Variants in PPP1R16A observed in about 807,000 individuals in gnomAD.
PPP1R16A encodes myosin phosphatase-targeting subunit 3.
In PPP1R16A, 39 loss-of-function variants were observed where a neutral mutation model predicts 46.6. The observed-to-expected ratio is 0.84, with a 90% confidence interval of 0.65 to 1.09. The LOEUF is 1.09. PPP1R16A is among the 50% of genes least tolerant of loss of function. PPP1R16A has a pLI of 0.00. For missense variants in PPP1R16A, 798 were observed against 735.6 expected, an observed-to-expected ratio of 1.08 and a Z score of -0.98; for synonymous variants, 413 against 321.5, an observed-to-expected ratio of 1.28 and a Z score of -3.04.
rs761331940 is a variant in PPP1R16A at position 144,501,264 on chromosome 8, A to G, written c.1173A>G (p.Thr391=). Residue 391 remains threonine, a synonymous_variant, in exon 11 of 12, where the codon ACA becomes ACG. Coordinates refer to ENST00000435887, the MANE Select transcript of PPP1R16A (RefSeq NM_001329443.2). The stretch of plus-strand genomic sequence containing the variant: ...CCGAGGACAACGATGACCGCCAGAC[A>G]GGCGCAGAGCTCAGGCCGCCGCCCC... ...EPPEDNDDRQ[T]GAELRPPPPE... is the part of the protein sequence containing the mutation. The G allele has an allele frequency of 6.2e-7, 1 of 1,600,700 alleles. No individual in the cohort carries two copies. The highest frequency in any genetic ancestry group is 1.3e-5 in the African/African-American group (1 of 74,856).
rs574200267 is a variant in PPP1R16A at position 144,499,894 on chromosome 8, C to T, written c.477-202C>T. On this transcript the variant is annotated intron_variant, in intron 5 of 11. Coordinates refer to ENST00000435887, the MANE Select transcript of PPP1R16A (RefSeq NM_001329443.2). ...ACCTGGATCCCTGGATGGATAGAGA[C>T]TGCAGGAGGCCTGTCTGGCTTAATG... 8.6e-6 allele frequency: 5 copies of T among 584,232 alleles called. No homozygotes were observed. In the East Asian group the frequency reaches 1.4e-4, roughly 17 times the overall value. The allele number at this position is 584,232 out of a possible 1,614,324, so 36.2% of individuals were successfully genotyped here.
At chr8:144,498,516 G>A (rs371254763) in intron 3 of PPP1R16A, 4 of 515,292 alleles carry the variant, frequency 7.8e-6, no homozygotes, top group African/African-American at 5.7e-5. Context: ...AGCACGGCCT[G>A]TTCTGGGGGT....
At chr8:144,500,428 G>A (rs1320323608) in intron 7 of PPP1R16A, 37 bp downstream of exon 7, 3 of 1,523,832 alleles carry the variant, frequency 2.0e-6, no homozygotes, top group South Asian at 1.2e-5. Context: ...CGGGGCTGGG[G>A]GCCTCGCTAC....
chr8:144,486,450 A>G (rs1397434155), intron 1 of PPP1R16A, among the ~76,000 whole-genome samples: 1 of 152,190 alleles, frequency 6.6e-6, no homozygotes, highest in Non-Finnish European at 1.5e-5. Context: ...GTTTTGGTTT[A>G]AGAAACTTCC....
chr8:144,483,479 G>T (rs1172974168), intron 1 of PPP1R16A, among the ~76,000 whole-genome samples: 1 of 149,446 alleles, frequency 6.7e-6, no homozygotes, highest in Non-Finnish European at 1.5e-5. Flanking sequence ...GCACCATCTT[G>T]GCTCACTGCA....
rs199905128 is a variant in PPP1R16A at position 144,500,126 on chromosome 8, C to T, written c.507C>T (p.Asp169=). 14 of 1,611,792 alleles carry T rather than the reference C, an allele frequency of 8.7e-6. No individual in the cohort carries two copies. Among genetic ancestry groups the T allele is most frequent in the Non-Finnish European group, 1.2e-5 (14 of 1,179,098 alleles). Residue 169 remains aspartate, a synonymous_variant, in exon 6 of 12, where the codon GAC becomes GAT. Coordinates refer to ENST00000435887, the MANE Select transcript of PPP1R16A (RefSeq NM_001329443.2). ...CCAATCTCCTGGCGGTCAACACCGACGGGAACATGCCCTATGACCTGTGTG... is the reference window on the plus strand; with the variant it reads ...CCAATCTCCTGGCGGTCAACACCGATGGGAACATGCCCTATGACCTGTGTG... ...SGANLLAVNT[D]GNMPYDLCDD...
chr8:144,480,699 T>C lies in PPP1R16A; in HGVS notation c.-914+2572T>C, dbSNP rs140865421. Among the ~76,000 whole-genome samples, 1,458 of 152,214 alleles carry C rather than the reference T, an allele frequency of 9.6e-3. 25 individuals carry two copies. The highest frequency in any genetic ancestry group is 0.034 in the African/African-American group (1,398 of 41,526). On this transcript the variant is annotated intron_variant, in intron 1 of 11. Coordinates refer to ENST00000435887, the MANE Select transcript of PPP1R16A (RefSeq NM_001329443.2). ...TGGGATTTCACCGTGTTGGCCAGAA[T>C]GGTCTCGAACTCCTGACCTCATTAT...
intron 2 of PPP1R16A, among the ~76,000 whole-genome samples, chr8:144,491,952 TCAA>T (rs1825827233): frequency 6.6e-6 from 1 of 152,054 alleles, no homozygotes; most frequent in Non-Finnish European, 1.5e-5. Context: ...TAATAAAAAA[TCAA>T]CAACAAAACA....
intron 2 of PPP1R16A, among the ~76,000 whole-genome samples, chr8:144,490,628 G>A (rs1360514164): frequency 6.6e-6 from 1 of 152,168 alleles, no homozygotes; most frequent in African/African-American, 2.4e-5. Flanking sequence ...TCACTCTGGC[G>A]GGACATCCAG....
chr8:144,497,345 G>A lies in PPP1R16A; in HGVS notation c.151G>A (p.Gly51Arg), dbSNP rs1033386538. Residue 51 changes from glycine (G) to arginine (R), a missense_variant, in exon 3 of 12, where the codon GGG becomes AGG. Gly to Arg is a moderately radical substitution (Grantham distance 125). Transcript: ENST00000435887. ...GGAGGCCCAGGGCAAGAAGGGTCCT[G>A]GGGAGCGTCCCCGGAAGGAGGCAGC... The part of the protein sequence containing the change: ...EKEAQGKKGP[G>R]ERPRKEAASQ... The A allele has an allele frequency of 6.2e-7, 1 of 1,612,660 alleles. No homozygotes were observed. Among genetic ancestry groups the A allele is most frequent in the Admixed American group, 1.7e-5 (1 of 60,010 alleles).
chr8:144,478,295 GC>G (rs1384410843), intron 1 of PPP1R16A, 168 bp downstream of exon 1: 3 of 383,702 alleles, frequency 7.8e-6, no homozygotes, highest in Non-Finnish European at 1.4e-5. Context: ...GCCGGGAAGG[GC>G]GGGAGGAGGA....
chr8:144,501,209 A>G lies in PPP1R16A; in HGVS notation c.1118A>G (p.Gln373Arg). The G allele has an allele frequency of 5.6e-6, 9 of 1,608,740 alleles. No homozygotes were observed. Among genetic ancestry groups the G allele is most frequent in the Non-Finnish European group, 7.6e-6 (9 of 1,179,492 alleles). ...CACGCCCAGGAGGCCATCGTGTGGC[A>G]ACAGCCGCCGCCCACCAGCCCGGAG... ...KQHAQEAIVW[Q>R]QPPPTSPEPP... Residue 373 changes from glutamine (Q) to arginine (R), a missense_variant, in exon 11 of 12, where the codon CAA becomes CGA. Gln to Arg is a conservative substitution (Grantham distance 43). Transcript: ENST00000435887.
chr8:144,487,693 C>T lies in PPP1R16A; in HGVS notation c.-913-2341C>T, dbSNP rs2130269969. ...CAATTTTCTGGACTCAACCGTATTC[C>T]ATTGGTTTATTTCTCTATGCCTAAG... On this transcript the variant is annotated intron_variant, in intron 1 of 11. Coordinates refer to ENST00000435887, the MANE Select transcript of PPP1R16A (RefSeq NM_001329443.2). Among the ~76,000 whole-genome samples the T allele has an allele frequency of 1.3e-5, 2 of 152,302 alleles. 1 individual carries two copies. The highest frequency in any genetic ancestry group is 4.1e-4 in the South Asian group (2 of 4,824).
At chr8:144,488,170 T>C (rs1286450603) in intron 1 of PPP1R16A, among the ~76,000 whole-genome samples, 4 of 151,356 alleles carry the variant, frequency 2.6e-5, no homozygotes, top group African/African-American at 9.7e-5. Context: ...CAAGGGAAGC[T>C]CTTTCCAGGG....
intron 2 of PPP1R16A, among the ~76,000 whole-genome samples, chr8:144,492,190 C>T (rs921931495): frequency 1.3e-5 from 2 of 152,168 alleles, no homozygotes; most frequent in Admixed American, 6.5e-5. Flanking sequence ...CTGTGGCACT[C>T]GGGCTTTCAC....
intron 3 of PPP1R16A, chr8:144,498,305 T>G (rs1489116534): frequency 1.7e-5 from 6 of 352,982 alleles, no homozygotes; most frequent in Non-Finnish European, 2.8e-5. Context: ...GGATCTTTGA[T>G]GGGGAGGGGA....
At chr8:144,487,998 A>G (rs1469297565) in intron 1 of PPP1R16A, among the ~76,000 whole-genome samples, 1 of 152,218 alleles carries the variant, frequency 6.6e-6, no homozygotes, top group Non-Finnish European at 1.5e-5. Context: ...CCATAAAGAT[A>G]TGGTTGTGGT....
chr8:144,501,125 C>G lies in PPP1R16A; in HGVS notation c.1038-4C>G. 6.2e-7 allele frequency: 1 copy of G among 1,610,704 alleles called. No individual in the cohort carries two copies. The highest frequency in any genetic ancestry group is 8.5e-7 in the Non-Finnish European group (1 of 1,179,588). ...CCTCACTCCCTCTCCTCTCTCCTCCCCAGGAAGGTGGTGAGGCGGGTGAGC... is the reference window on the plus strand; with the variant it reads ...CCTCACTCCCTCTCCTCTCTCCTCCGCAGGAAGGTGGTGAGGCGGGTGAGC... On this transcript the variant is annotated splice_region_variant and splice_polypyrimidine_tract_variant and intron_variant, in intron 10 of 11. Coordinates refer to ENST00000435887, the MANE Select transcript of PPP1R16A (RefSeq NM_001329443.2).
chr8:144,501,684 G>T lies in PPP1R16A; in HGVS notation c.1368G>T (p.Leu456=). The change falls in exon 12 of 12, where the codon CTG becomes CTT. Residue 456 remains leucine, a synonymous_variant. Transcript: ENST00000435887. ...TCCACGACAAGGCCCACCACACCCTGGCTGACCTGAAGCGCCAGCGAGCTG... is the reference window on the plus strand; with the variant it reads ...TCCACGACAAGGCCCACCACACCCTTGCTGACCTGAAGCGCCAGCGAGCTG... ...TLVHDKAHHT[L]ADLKRQRAAA... is the part of the protein sequence containing the mutation. The T allele has an allele frequency of 6.2e-7, 1 of 1,607,550 alleles. No individual in the cohort carries two copies. The highest frequency in any genetic ancestry group is 8.5e-7 in the Non-Finnish European group (1 of 1,177,762).
Sources: gnomAD v4.1 joint callset for allele counts (sites outside exome capture counted in the v4.1 genomes callset) on GRCh38, gnomAD v4.1.1 for gene constraint, MANE v1.5 for transcripts, NCBI Gene and HGNC (gene_info 2026-07-23, HGNC 2026-07-21) for gene names.